The following USP6 variants were observed in gnomAD, a reference collection of about 807,000 sequenced individuals.
USP6 encodes ubiquitin carboxyl-terminal hydrolase 6.
Under a neutral mutation model 175.7 loss-of-function variants are expected in USP6, and 128 were observed. The ratio of observed to expected loss-of-function variants is 0.73; its 90% CI spans 0.63 to 0.84. The LOEUF (loss-of-function observed/expected upper bound fraction) is 0.84. USP6 is among the 40% of genes least tolerant of loss of function. The probability of loss-of-function intolerance (pLI) is 0.00; values close to 1 mark genes in which losing one functional copy is unlikely to be tolerated. For missense variants in USP6, 1,498 were observed against 1,760.3 expected (o/e 0.85, Z 2.67); for synonymous variants, 562 against 630.6 (o/e 0.89, Z 1.63).
intron 3 of USP6, 53 bp from the exon 4 acceptor site, chr17:5,121,322 T>A (rs530652969): frequency 5.8e-6 from 2 of 344,112 alleles, no homozygotes; most frequent in South Asian, 4.6e-5. Flanking sequence ...CCCTTTCCTG[T>A]GCCCCACTTC....
chr17:5,122,737 C>T (rs190814156), intron 4 of USP6, among the ~76,000 whole-genome samples: 53 of 152,350 alleles, frequency 3.5e-4, no homozygotes, highest in African/African-American at 1.2e-3. Flanking sequence ...GGAAATGGGA[C>T]ACCCGCAGCG....
rs1282232536 is a variant in USP6 at position 5,170,530 on chromosome 17, A to C, written c.3569A>C (p.Asn1190Thr). ...GGAACCAGCTGTCCCTCCAGCAAAA[A>C]CAGCAGCCCTAATAGCAGCCCACGG... ...KSGTSCPSSKNSSPNSSPRTL... is the reference protein window; with the variant it reads ...KSGTSCPSSKTSSPNSSPRTL... The change falls in exon 36 of 38, where the codon AAC becomes ACC. Residue 1190 changes from asparagine to threonine, a missense_variant. Around this residue, in one of 2 missense-constraint regions of USP6, gnomAD observed 1,217 missense variants for 1,500.8 expected, o/e 0.81. Transcript: ENST00000574788. 7 of 1,611,594 alleles carry C rather than the reference A, an allele frequency of 4.3e-6. No homozygotes were observed. In the African/African-American group the frequency reaches 9.4e-5, roughly 22 times the overall value.
intron 30 of USP6, among the ~76,000 whole-genome samples, chr17:5,153,075 G>A (rs1254754457): frequency 2.0e-5 from 3 of 152,160 alleles, no homozygotes; most frequent in Admixed American, 6.5e-5. Flanking sequence ...ATGAAATCTA[G>A]TGTTTATTTA....
intron 6 of USP6, 121 bp downstream of exon 6, chr17:5,126,059 G>A (rs1396589467): frequency 3.3e-5 from 5 of 152,288 alleles, no homozygotes; most frequent in African/African-American, 1.2e-4. Context: ...ACAGGCGTGA[G>A]TCACCGCGCC....
At chr17:5,135,672 A>C in intron 16 of USP6, 136 bp from the exon 17 acceptor site, 1 of 1,578,228 alleles carries the variant, frequency 6.3e-7, no homozygotes, top group Non-Finnish European at 8.5e-7. Context: ...CATGAAATGA[A>C]TTTGCATCCT....
At chr17:5,129,484 G>A (rs773919306) in intron 8 of USP6, 1 of 152,640 alleles carries the variant, frequency 6.6e-6, no homozygotes, top group Non-Finnish European at 1.5e-5. Flanking sequence ...GTTGTGGAAA[G>A]TGAAGGAGCC....
intron 25 of USP6, among the ~76,000 whole-genome samples, chr17:5,144,375 G>A (rs2073547042): frequency 6.6e-6 from 1 of 152,106 alleles, no homozygotes; most frequent in Non-Finnish European, 1.5e-5. Context: ...AGAACAGGAT[G>A]TCTTTCCATG....
rs570665261 is a variant in USP6, at chr17:5,154,607, C to A, written c.2644-815C>A. Among the ~76,000 whole-genome samples, 122 of 152,074 alleles carry A rather than the reference C, an allele frequency of 8.0e-4. 1 individual carries two copies. The highest frequency in any genetic ancestry group is 2.8e-3 in the African/African-American group (118 of 41,492). On this transcript the variant is annotated intron_variant, in intron 30 of 37. Transcript: ENST00000574788. ...TTTAGGAAGGTGGATAAGCTTGTTACAAAATAGAATTACTAGGTTTCACAA... is the reference window on the plus strand; with the variant it reads ...TTTAGGAAGGTGGATAAGCTTGTTAAAAAATAGAATTACTAGGTTTCACAA...
intron 31 of USP6, among the ~76,000 whole-genome samples, chr17:5,156,333 G>A (rs896099349): frequency 2.7e-5 from 4 of 149,826 alleles, no homozygotes; most frequent in African/African-American, 4.9e-5. Context: ...TTATGACAGA[G>A]TTTTGCTCTT....
Position 5,141,411 on chromosome 17 carries a change from ATCTG to A in USP6, c.1499-11_1499-8del, listed in dbSNP as rs2073442414. The A allele has an allele frequency of 6.3e-7, 1 of 1,597,816 alleles. No homozygotes were observed. Among genetic ancestry groups the A allele is most frequent in the Non-Finnish European group, 8.5e-7 (1 of 1,173,152 alleles). Reference sequence around the variant, plus strand: ...ACAGATAAGAAATTAACACATTCCTATCTGTCCTTCCAGTTCACAACAAAGATAT... The same window carrying A: ...ACAGATAAGAAATTAACACATTCCTATCCTTCCAGTTCACAACAAAGATAT... On this transcript the variant is annotated splice_polypyrimidine_tract_variant and intron_variant, in intron 22 of 37. Transcript: ENST00000574788.
At chr17:5,138,818 T>C (rs1368257101) in intron 21 of USP6, among the ~76,000 whole-genome samples, 1 of 152,148 alleles carries the variant, frequency 6.6e-6, no homozygotes, top group Non-Finnish European at 1.5e-5. Context: ...CGGTCAGTCC[T>C]GGCATGGACT....
In USP6 at chr17:5,155,408, G is replaced by C; in HGVS notation, c.2644-14G>C. 1 of 1,611,620 alleles carries C rather than the reference G, an allele frequency of 6.2e-7. No individual in the cohort carries two copies. The highest frequency in any genetic ancestry group is 8.5e-7 in the Non-Finnish European group (1 of 1,178,734). ...CCTGTCTTCTCAACTCTCTATTCTC[G>C]TTTGTACATACAGATGAGGACAGAA... is the stretch of plus-strand genomic sequence containing the variant. On this transcript the variant is annotated splice_polypyrimidine_tract_variant and intron_variant, in intron 30 of 37. Coordinates refer to ENST00000574788, the MANE Select transcript of USP6 (RefSeq NM_001304284.2).
chr17:5,136,619 G>C, intron 17 of USP6, 21 bp from the exon 18 acceptor site: 2 of 1,610,586 alleles, frequency 1.2e-6, no homozygotes, highest in African/African-American at 1.3e-5. Context: ...CTGATTTCAT[G>C]ATGGGCTGGG....
At chr17:5,145,057 A>T (rs190567096) in intron 26 of USP6, among the ~76,000 whole-genome samples, 194 bp downstream of exon 26, 15 of 152,336 alleles carry the variant, frequency 9.8e-5, no homozygotes, top group Non-Finnish European at 1.8e-4. Context: ...GAATATAGAA[A>T]ACTGTTGCCA....
intron 10 of USP6, 79 bp from the exon 11 acceptor site, chr17:5,130,523 C>T: frequency 6.2e-7 from 1 of 1,610,618 alleles, no homozygotes; most frequent in Non-Finnish European, 8.5e-7. Flanking sequence ...GAGCACAGGG[C>T]AGGGACGGGT....
chr17:5,168,918 G>C lies in USP6; in HGVS notation c.3380G>C (p.Gly1127Ala), dbSNP rs1293063944. 1 of 1,613,958 alleles carries C rather than the reference G, an allele frequency of 6.2e-7. No individual in the cohort carries two copies. The highest frequency in any genetic ancestry group is 1.1e-5 in the South Asian group (1 of 91,068). The change falls in exon 35 of 38, where the codon GGG (glycine) becomes GCG (alanine). Residue 1127 changes from glycine (G) to alanine (A), a missense_variant. Around this residue, in one of 2 missense-constraint regions of USP6, gnomAD observed 1,217 missense variants for 1,500.8 expected, o/e 0.81. Coordinates refer to ENST00000574788, the MANE Select transcript of USP6 (RefSeq NM_001304284.2). Reference protein sequence around the residue: ...LCQHKPLTPQGDELSKPRILA... With the variant: ...LCQHKPLTPQADELSKPRILA... ...CAGCATAAACCACTCACACCCCAGG[G>C]GGATGAGCTCTCCAAGCCCAGGATT...
chr17:5,128,043 CA>C (rs1454230224), intron 7 of USP6, among the ~76,000 whole-genome samples: 5 of 152,314 alleles, frequency 3.3e-5, no homozygotes, highest in Non-Finnish European at 7.3e-5. Context: ...AGGTGTTGAT[CA>C]GGGGGACCCT....
At chr17:5,168,592 G>A (rs1048479330) in intron 34 of USP6, among the ~76,000 whole-genome samples, 175 bp from the exon 35 acceptor site, 8 of 152,298 alleles carry the variant, frequency 5.3e-5, no homozygotes, top group African/African-American at 1.9e-4. Context: ...AGTGCACTAG[G>A]GCCTGTGTAG....
chr17:5,119,808 C>T (rs752351364), intron 2 of USP6, among the ~76,000 whole-genome samples: 7 of 152,218 alleles, frequency 4.6e-5, no homozygotes, highest in Admixed American at 2.6e-4. Context: ...TGATAAACAG[C>T]TGGGAGAAAG....
Sources: allele counts gnomAD v4.1 joint callset (sites outside exome capture counted in the v4.1 genomes callset), GRCh38; gene constraint gnomAD v4.1.1; regional missense constraint gnomAD v4.1.1; transcripts MANE v1.5; gene names NCBI Gene and HGNC (gene_info 2026-07-23, HGNC 2026-07-21).